Variants in PARD3 observed in about 807,000 individuals in gnomAD.
The protein encoded by PARD3 is par-3 family cell polarity regulator, also known as partitioning defective 3 homolog.
In PARD3, 75 loss-of-function variants were observed where a neutral mutation model predicts 155.4. That is an observed-to-expected ratio of 0.48 (90% CI 0.40 to 0.58). PARD3 has a LOEUF of 0.58. PARD3 is among the 20% of genes least tolerant of loss of function. PARD3 has a pLI of 0.00. For synonymous variants in PARD3, 576 were observed against 610.5 expected, an observed-to-expected ratio of 0.94 and a Z score of 0.83; for missense variants, 1,642 against 1,721.7, an observed-to-expected ratio of 0.95 and a Z score of 0.82.
At position 34,384,151 on chromosome 10, in the gene PARD3, G is replaced by A. The variant is rs1293221573; in HGVS notation, c.994C>T (p.Leu332Phe). 2 of 1,613,586 alleles carry A rather than the reference G, an allele frequency of 1.2e-6. No individual in the cohort carries two copies. The highest frequency in any genetic ancestry group is 3.3e-5 in the Admixed American group (2 of 59,974). ...TACTGTTCAAATCTTCTATTTCGAAGGTCGCCATCATTAATCCTGACAATG... is the reference window on the plus strand; with the variant it reads ...TACTGTTCAAATCTTCTATTTCGAAAGTCGCCATCATTAATCCTGACAATG... ...DCIVRINDGDLRNRRFEQAQH... is the reference protein window; with the variant it reads ...DCIVRINDGDFRNRRFEQAQH... Residue 332 changes from leucine to phenylalanine, a missense_variant, in exon 8 of 25, where the codon CTT becomes TTT. By Grantham distance (22) the Leu-to-Phe change is conservative (BLOSUM62 0). Around this residue, in one of 3 missense-constraint regions of PARD3, gnomAD observed 1,529 missense variants for 1,587.3 expected, o/e 0.96. Transcript: ENST00000374788.
chr10:34,111,972 T>C (rs911930814), intron 24 of PARD3, among the ~76,000 whole-genome samples: 3 of 152,216 alleles, frequency 2.0e-5, no homozygotes, highest in African/African-American at 7.2e-5. Context: ...TACAATTCAA[T>C]TCTAAACAAG....
At chr10:34,477,065 T>C (rs1256507737) in intron 3 of PARD3, among the ~76,000 whole-genome samples, 1 of 152,196 alleles carries the variant, frequency 6.6e-6, no homozygotes, top group East Asian at 1.9e-4. Flanking sequence ...GAATAAAACA[T>C]GATCTTCTCA....
chr10:34,173,297 C>T (rs1470507707), intron 22 of PARD3, among the ~76,000 whole-genome samples: 3 of 152,122 alleles, frequency 2.0e-5, no homozygotes, highest in African/African-American at 4.8e-5. Context: ...TATTTCAAGG[C>T]CATGCAATAA....
chr10:34,797,210 G>T (rs1842362741), intron 1 of PARD3, among the ~76,000 whole-genome samples: 1 of 152,160 alleles, frequency 6.6e-6, no homozygotes, highest in African/African-American at 2.4e-5. Flanking sequence ...CAGTGCAGGG[G>T]CACAACCATA....
rs532246148 is a variant in PARD3, at chr10:34,389,391, CA to C, written c.891-5138del. Among the ~76,000 whole-genome samples the C allele has an allele frequency of 2.3e-3, 356 of 152,036 alleles. 1 individual carries two copies. Among genetic ancestry groups the C allele is most frequent in the African/African-American group, 8.3e-3 (346 of 41,486 alleles). ...TAAGGATTGCACCACTACATTTTTA[CA>C]AGGTTCATTAGCCTAATTATACACT... On this transcript the variant is annotated intron_variant, in intron 7 of 24. Transcript: ENST00000374788.
At chr10:34,584,942 T>C (rs906668535) in intron 2 of PARD3, among the ~76,000 whole-genome samples, 1 of 152,012 alleles carries the variant, frequency 6.6e-6, no homozygotes, top group Non-Finnish European at 1.5e-5. Flanking sequence ...TTGCAAAGAC[T>C]TTTTTTTCAT....
intron 1 of PARD3, among the ~76,000 whole-genome samples, chr10:34,777,003 ATTTTTTTT>A (rs758917237): frequency 4.9e-5 from 6 of 122,392 alleles, no homozygotes; most frequent in Admixed American, 3.4e-4. Context: ...TGTCTGGCTA[ATTTTTTTT>A]TTTTTTTTTT....
chr10:34,367,739 T>C (rs1840116532), intron 12 of PARD3, among the ~76,000 whole-genome samples: 1 of 152,092 alleles, frequency 6.6e-6, no homozygotes, highest in South Asian at 2.1e-4. Flanking sequence ...TATGGCAGCC[T>C]ACACTTGATC....
intron 5 of PARD3, chr10:34,426,640 T>C (rs1035126823): frequency 1.3e-5 from 2 of 152,196 alleles, no homozygotes; most frequent in South Asian, 4.1e-4. Context: ...TAATATCTAG[T>C]GGCAAATATT....
intron 2 of PARD3, among the ~76,000 whole-genome samples, chr10:34,661,255 A>T (rs1343799096): frequency 6.6e-6 from 1 of 152,220 alleles, no homozygotes; most frequent in Non-Finnish European, 1.5e-5. Context: ...AAAACGATGC[A>T]TTTCTTGTAC....
At chr10:34,477,397 G>A (rs773783324) in intron 3 of PARD3, among the ~76,000 whole-genome samples, 2 of 152,198 alleles carry the variant, frequency 1.3e-5, no homozygotes, top group Admixed American at 6.5e-5. Context: ...AGCGACTGGT[G>A]CGATGTCACT....
chr10:34,760,354 CAG>C (rs1418241148), intron 1 of PARD3, among the ~76,000 whole-genome samples: 7 of 152,244 alleles, frequency 4.6e-5, no homozygotes, highest in Non-Finnish European at 7.4e-5. Flanking sequence ...TGTTTTGAGA[CAG>C]GGTCTCACTG....
intron 17 of PARD3, among the ~76,000 whole-genome samples, 163 bp downstream of exon 17, chr10:34,337,112 G>A (rs546278387): frequency 4.6e-5 from 7 of 152,006 alleles, no homozygotes; most frequent in Admixed American, 3.3e-4. Flanking sequence ...GAGTAATATC[G>A]TTATCTCAAA....
chr10:34,420,436 G>A lies in PARD3; in HGVS notation c.715-18519C>T, dbSNP rs12265016. ...TTATACATAGGAGACAGATGCCCAA[G>A]ATAAGGGTGTATGATCTTAAAGAGG... On this transcript the variant is annotated intron_variant, in intron 5 of 24. Transcript: ENST00000374788. 7.8e-3 allele frequency among the ~76,000 whole-genome samples: 1,194 copies of A among 152,258 alleles called. 10 individuals carry two copies. Among genetic ancestry groups the A allele is most frequent in the African/African-American group, 0.027 (1,131 of 41,554 alleles).
At chr10:34,543,362 G>C (rs757096021) in intron 2 of PARD3, among the ~76,000 whole-genome samples, 7 of 151,924 alleles carry the variant, frequency 4.6e-5, no homozygotes, top group Non-Finnish European at 1.0e-4. Context: ...TAAAATATAA[G>C]CTAATAAATG....
Position 34,390,129 on chromosome 10 carries a change from T to TAA in PARD3, c.891-5877_891-5876dup, listed in dbSNP as rs528121502. ...GCGTTTTTTTCAAAAGTTATTAAAT[T>TAA]AAAATTGAGTACTCAAAAGTTCAAG... On this transcript the variant is annotated intron_variant, in intron 7 of 24. Coordinates refer to ENST00000374788, the MANE Select transcript of PARD3 (RefSeq NM_001184785.2). Among the ~76,000 whole-genome samples the TAA allele has an allele frequency of 2.7e-3, 416 of 152,314 alleles. 2 individuals carry two copies. Among genetic ancestry groups the TAA allele is most frequent in the African/African-American group, 9.5e-3 (394 of 41,566 alleles).
chr10:34,336,574 GCA>G (rs1447542950), intron 17 of PARD3, among the ~76,000 whole-genome samples: 1 of 152,002 alleles, frequency 6.6e-6, no homozygotes, highest in Non-Finnish European at 1.5e-5. Flanking sequence ...CCAGAGAACA[GCA>G]TAAGTTACAG....
At chr10:34,354,507 C>G (rs955960037) in intron 14 of PARD3, among the ~76,000 whole-genome samples, 1 of 152,118 alleles carries the variant, frequency 6.6e-6, no homozygotes, top group Non-Finnish European at 1.5e-5. Context: ...CCCTGGCAGT[C>G]TCAGAATCCA....
intron 1 of PARD3, among the ~76,000 whole-genome samples, chr10:34,803,070 G>GAAAA (rs34342941): frequency 2.1e-4 from 22 of 102,648 alleles, no homozygotes; most frequent in South Asian, 3.4e-4. Flanking sequence ...TACTAAAAAT[G>GAAAA]AAAAAAAAAA....
Sources: allele counts gnomAD v4.1 joint callset (sites outside exome capture counted in the v4.1 genomes callset), GRCh38; gene constraint gnomAD v4.1.1; regional missense constraint gnomAD v4.1.1; transcripts MANE v1.5; gene names NCBI Gene and HGNC (gene_info 2026-07-23, HGNC 2026-07-21).